The following FRMD6 variants were observed in gnomAD, a reference collection of about 807,000 sequenced individuals.
FRMD6 encodes FERM domain containing 6.
FRMD6 carries 37 observed loss-of-function variants against 73.2 expected under a neutral mutation model. The observed-to-expected ratio is 0.51, with a 90% CI of 0.39 to 0.66. FRMD6 has a LOEUF of 0.66. Among genes scored for constraint, FRMD6 ranks in the 30% least tolerant of loss-of-function variants. The pLI is 0.00. For missense variants in FRMD6, 714 were observed against 780.5 expected, an observed-to-expected ratio of 0.91 and a Z score of 1.02; for synonymous variants, 273 against 282.2, an observed-to-expected ratio of 0.97 and a Z score of 0.33.
chr14:51,656,730 A>T (rs1414034245), intron 1 of FRMD6, among the ~76,000 whole-genome samples: 2 of 152,126 alleles, frequency 1.3e-5, no homozygotes, highest in South Asian at 4.1e-4. Context: ...ATTTTCTTGA[A>T]TGTCTTTCCC....
At chr14:51,428,452 C>G in the FRMD6 span, among the ~76,000 whole-genome samples, 1 of 152,154 alleles carries the variant, frequency 6.6e-6, no homozygotes, top group South Asian at 2.1e-4. Flanking sequence ...GTATATGGAG[C>G]AGACAACTCC....
Position 51,689,908 on chromosome 14 carries a change from C to T in FRMD6, c.72C>T (p.Asn24=), listed in dbSNP as rs569640110. ...GCAGTGTGTGCATTTTCCTTCCCAACGATGAATCTCTGAACATCATCATAA... is the reference window on the plus strand; with the variant it reads ...GCAGTGTGTGCATTTTCCTTCCCAATGATGAATCTCTGAACATCATCATAA... ...DRRSVCIFLP[N]DESLNIIINV... The change falls in exon 2 of 14, where the codon AAC becomes AAT. Residue 24 remains asparagine, a synonymous_variant. Coordinates refer to ENST00000344768, the MANE Select transcript of FRMD6 (RefSeq NM_001267046.2). The T allele has an allele frequency of 5.8e-5, 94 of 1,609,740 alleles. 1 individual carries two copies. Among genetic ancestry groups the T allele is most frequent in the Non-Finnish European group, 7.6e-5 (89 of 1,175,928 alleles).
At position 51,635,668 on chromosome 14, in the gene FRMD6, A is replaced by T. The variant is rs150034074; in HGVS notation, c.-146-54023A>T. ...GACTGGGTTGAAATCTAGCTTTAGAACTCAGGACAAAGGACTTCTGTGTGT... is the reference window on the plus strand; with the variant it reads ...GACTGGGTTGAAATCTAGCTTTAGATCTCAGGACAAAGGACTTCTGTGTGT... On this transcript the variant is annotated intron_variant, in intron 2 of 14. Coordinates refer to the FRMD6 transcript ENST00000356218. 1.9e-4 allele frequency among the ~76,000 whole-genome samples: 29 copies of T among 152,320 alleles called. No individual in the cohort carries two copies. The East Asian group carries it at 5.6e-3, about 29-fold the overall frequency.
At chr14:51,698,618 GACTT>G (rs1426291071) in intron 3 of FRMD6, among the ~76,000 whole-genome samples, 1 of 152,034 alleles carries the variant, frequency 6.6e-6, no homozygotes, top group African/African-American at 2.4e-5. Context: ...ACATTAAACT[GACTT>G]CTCTTTTCAA....
intron 1 of FRMD6, among the ~76,000 whole-genome samples, chr14:51,558,506 A>G (rs1343214893): frequency 1.3e-5 from 2 of 151,968 alleles, no homozygotes; most frequent in African/African-American, 4.8e-5. Flanking sequence ...TAAATGAGCA[A>G]ATGAATAACT....
chr14:51,653,946 G>C (rs958290669), intron 1 of FRMD6, among the ~76,000 whole-genome samples: 6 of 152,172 alleles, frequency 3.9e-5, no homozygotes, highest in African/African-American at 1.4e-4. Context: ...AAAGCAGACT[G>C]ACTGTAATAT....
At chr14:51,561,582 T>G (rs1343375154) in intron 1 of FRMD6, among the ~76,000 whole-genome samples, 1 of 152,234 alleles carries the variant, frequency 6.6e-6, no homozygotes, top group Non-Finnish European at 1.5e-5. Context: ...AAGATTATAT[T>G]GAATTTGACA....
rs539043777 is a variant in FRMD6, at chr14:51,703,835, T to C, written c.372-914T>C. ...TGTTATCTGCTAATGACATCAGCTA[T>C]GAATCTCAGGTAAACATTCAACCTG... On this transcript the variant is annotated intron_variant, in intron 5 of 13. Transcript: ENST00000344768. Among the ~76,000 whole-genome samples the C allele has an allele frequency of 7.9e-5, 12 of 152,216 alleles. No homozygotes were observed. The South Asian group carries it at 1.7e-3, about 21-fold the overall frequency.
At chr14:51,657,793 T>A (rs916135832) in intron 1 of FRMD6, among the ~76,000 whole-genome samples, 1 of 152,224 alleles carries the variant, frequency 6.6e-6, no homozygotes, top group Non-Finnish European at 1.5e-5. Flanking sequence ...TCAGCCACTG[T>A]ATCCTAAGGA....
At chr14:51,449,147 T>A in the FRMD6 span, among the ~76,000 whole-genome samples, 1 of 152,148 alleles carries the variant, frequency 6.6e-6, no homozygotes, top group African/African-American at 2.4e-5. Flanking sequence ...GTGGCCACAG[T>A]CATGCACAGG....
chr14:51,538,644 T>G (rs1886038757), intron 1 of FRMD6, among the ~76,000 whole-genome samples: 1 of 152,220 alleles, frequency 6.6e-6, no homozygotes, highest in South Asian at 2.1e-4. Flanking sequence ...CGCAATTTAT[T>G]ATAAAACTAT....
chr14:51,639,069 T>TA (rs1377117967), intron 2 of FRMD6, among the ~76,000 whole-genome samples: 7 of 152,028 alleles, frequency 4.6e-5, no homozygotes, highest in African/African-American at 1.7e-4. Context: ...TTTTTTTTTT[T>TA]ATTAAAACTA....
At position 51,689,925 on chromosome 14, in the gene FRMD6, T is replaced by G. The variant is rs768505869; in HGVS notation, c.89T>G (p.Ile30Ser). ...CTTCCCAACGATGAATCTCTGAACATCATCATAAATGTGAGTAGATCCAGT... is the reference window on the plus strand; with the variant it reads ...CTTCCCAACGATGAATCTCTGAACAGCATCATAAATGTGAGTAGATCCAGT... Reference protein sequence around the residue: ...IFLPNDESLNIIINVKILCHQ... With the variant: ...IFLPNDESLNSIINVKILCHQ... Residue 30 changes from isoleucine (I) to serine (S), a missense_variant, in exon 2 of 14, where the codon ATC becomes AGC. Ile to Ser is a moderately radical substitution (Grantham distance 142, BLOSUM62 -2). Coordinates refer to ENST00000344768, the MANE Select transcript of FRMD6 (RefSeq NM_001267046.2). The G allele has an allele frequency of 6.2e-7, 1 of 1,600,352 alleles. No homozygotes were observed. The highest frequency in any genetic ancestry group is 1.1e-5 in the South Asian group (1 of 90,854).
chr14:51,527,025 G>T (rs1184269083), intron 1 of FRMD6, among the ~76,000 whole-genome samples: 1 of 152,248 alleles, frequency 6.6e-6, no homozygotes, highest in Non-Finnish European at 1.5e-5. Context: ...CCCTGATAAT[G>T]TATCCACAAT....
chr14:51,462,688 C>T, the FRMD6 span, among the ~76,000 whole-genome samples: 663 of 152,038 alleles, frequency 4.4e-3, 5 homozygotes, highest in African/African-American at 0.015. Flanking sequence ...TGCATTTGTT[C>T]ATAAGATTAA....
At chr14:51,525,348 A>G (rs1483270923) in intron 1 of FRMD6, among the ~76,000 whole-genome samples, 1 of 151,840 alleles carries the variant, frequency 6.6e-6, no homozygotes, top group Non-Finnish European at 1.5e-5. Flanking sequence ...TGCTCACTGC[A>G]ACCTCCCCCT....
intron 1 of FRMD6, among the ~76,000 whole-genome samples, chr14:51,654,403 G>A (rs1231304902): frequency 5.9e-5 from 9 of 151,622 alleles, no homozygotes; most frequent in Admixed American, 4.6e-4. Flanking sequence ...AATAGACTGC[G>A]TAGCCTTTTG....
chr14:51,717,603 C>T (rs1356760429), intron 10 of FRMD6, among the ~76,000 whole-genome samples: 1 of 152,186 alleles, frequency 6.6e-6, no homozygotes. Flanking sequence ...TTAGTTTCTT[C>T]TACTTAGGGG....
chr14:51,651,364 C>A (rs1219227162), upstream of FRMD6: 1 of 152,280 alleles, frequency 6.6e-6, no homozygotes, highest in Non-Finnish European at 1.5e-5. Context: ...CCGGGGACCG[C>A]CTTCTCTCGG....
Sources: gnomAD v4.1 joint callset for allele counts (sites outside exome capture counted in the v4.1 genomes callset) on GRCh38, gnomAD v4.1.1 for gene constraint, MANE v1.5 for transcripts, NCBI Gene and HGNC (gene_info 2026-07-23, HGNC 2026-07-21) for gene names.